The following KCNN3 variants were observed in gnomAD, a reference collection of about 807,000 sequenced individuals.
KCNN3 encodes the protein potassium calcium-activated channel subfamily N member 3.
Under a neutral mutation model 62.9 loss-of-function variants are expected in KCNN3, and 16 were observed. That is an observed-to-expected ratio of 0.25 (90% CI 0.17 to 0.39). KCNN3 has a LOEUF of 0.39. Among genes scored for constraint, KCNN3 ranks in the 10% least tolerant of loss-of-function variants. The pLI is 1.00. For missense variants in KCNN3, 599 were observed against 949.4 expected, an observed-to-expected ratio of 0.63 and a Z score of 4.85; for synonymous variants, 370 against 389.2, an observed-to-expected ratio of 0.95 and a Z score of 0.58.
chr1:154,845,138 T>C (rs1386683373), intron 1 of KCNN3, among the ~76,000 whole-genome samples: 1 of 152,178 alleles, frequency 6.6e-6, no homozygotes, highest in Non-Finnish European at 1.5e-5. Context: ...CTGCCCAAGA[T>C]AGACCTCATG....
At chr1:154,798,303 T>G (rs1649812595) in intron 2 of KCNN3, among the ~76,000 whole-genome samples, 1 of 152,216 alleles carries the variant, frequency 6.6e-6, no homozygotes, top group African/African-American at 2.4e-5. Context: ...TGCCAGGTGC[T>G]CTGACACACA....
At chr1:154,849,822 G>C (rs141246474) in intron 1 of KCNN3, among the ~76,000 whole-genome samples, 12 of 152,302 alleles carry the variant, frequency 7.9e-5, no homozygotes, top group Non-Finnish European at 1.6e-4. Flanking sequence ...TGTGGGCTGG[G>C]TAATTCTTTG....
At chr1:154,803,578 T>C (rs139450466) in intron 2 of KCNN3, among the ~76,000 whole-genome samples, 1 of 152,256 alleles carries the variant, frequency 6.6e-6, no homozygotes, top group African/African-American at 2.4e-5. Context: ...CAGGCAGACA[T>C]GAGTTTGCAT....
At position 154,772,034 on chromosome 1, in the gene KCNN3, C is replaced by A; in HGVS notation, c.1389G>T (p.Leu463=). 4 of 1,614,188 alleles carry A rather than the reference C, an allele frequency of 2.5e-6. No homozygotes were observed. Among genetic ancestry groups the A allele is most frequent in the Non-Finnish European group, 3.4e-6 (4 of 1,180,038 alleles). The change falls in exon 3 of 8, where the codon CTG becomes CTT. Residue 463 remains leucine (L), a synonymous_variant. Transcript: ENST00000271915. The surrounding 1 kb of genome is among the most constrained non-coding windows in gnomAD (Gnocchi z 5.6). ...TLMTICPGTV[L]LVFSISLWII... ...TCCACAGAGAGATGCTGAACACGAGCAGCACAGTGCCAGGGCAGATGGTCA... is the reference window on the plus strand; with the variant it reads ...TCCACAGAGAGATGCTGAACACGAGAAGCACAGTGCCAGGGCAGATGGTCA...
intron 1 of KCNN3, among the ~76,000 whole-genome samples, chr1:154,832,343 T>C (rs1014615813): frequency 3.3e-5 from 5 of 152,010 alleles, no homozygotes; most frequent in Non-Finnish European, 7.4e-5. Flanking sequence ...CATCAGGTTC[T>C]GAAGGTCCTG....
intron 2 of KCNN3, among the ~76,000 whole-genome samples, chr1:154,785,596 T>G (rs1338176510): frequency 6.8e-6 from 1 of 147,192 alleles, no homozygotes; most frequent in Non-Finnish European, 1.5e-5. Flanking sequence ...TTTTTTTTTT[T>G]TTTGAGACAA....
At chr1:154,712,388 C>T (rs1339707586) in intron 7 of KCNN3, among the ~76,000 whole-genome samples, 2 of 152,130 alleles carry the variant, frequency 1.3e-5, no homozygotes, top group African/African-American at 4.8e-5. Flanking sequence ...ACGCCCTCCT[C>T]CAAAGGCACG....
intron 3 of KCNN3, among the ~76,000 whole-genome samples, chr1:154,770,467 G>A (rs1648497309): frequency 6.6e-6 from 1 of 152,212 alleles, no homozygotes; most frequent in African/African-American, 2.4e-5. Context: ...TTTGATCTCT[G>A]CTAGGACACT....
intron 3 of KCNN3, among the ~76,000 whole-genome samples, chr1:154,750,542 T>A (rs990922608): frequency 6.6e-6 from 1 of 151,882 alleles, no homozygotes; most frequent in South Asian, 2.1e-4. Context: ...GCTCTGGGCC[T>A]CCCTCTCTTC....
intron 1 of KCNN3, among the ~76,000 whole-genome samples, chr1:154,848,241 G>A (rs1236093035): frequency 6.6e-6 from 1 of 152,040 alleles, no homozygotes; most frequent in African/African-American, 2.4e-5. Context: ...TGTGGCGAGT[G>A]GGCCACGACA....
chr1:154,756,048 GGAGGAA>G lies in KCNN3; in HGVS notation c.1448+15921_1448+15926del, dbSNP rs1196913761. ...AAGACGATGATGAAAAGGAGGAGGAGGAGGAAGAGGAAGAGGAAGAAGAAGGAGGAG... is the reference window on the plus strand; with the variant it reads ...AAGACGATGATGAAAAGGAGGAGGAGGAGGAAGAGGAAGAAGAAGGAGGAG... On this transcript the variant is annotated intron_variant, in intron 3 of 7. Transcript: ENST00000271915. Among the ~76,000 whole-genome samples, 8 of 131,464 alleles carry G rather than the reference GGAGGAA, an allele frequency of 6.1e-5. 1 individual carries two copies. The highest frequency in any genetic ancestry group is 9.5e-5 in the African/African-American group (3 of 31,690). 86.2% of individuals were successfully genotyped at this position (131,464 alleles called of 152,430 possible).
At chr1:154,834,680 T>A (rs1651513986) in intron 1 of KCNN3, among the ~76,000 whole-genome samples, 1 of 152,134 alleles carries the variant, frequency 6.6e-6, no homozygotes, top group South Asian at 2.1e-4. Context: ...AGTCTACCCA[T>A]CCATCTTCAT....
chr1:154,858,631 G>A (rs1181900759), intron 1 of KCNN3, among the ~76,000 whole-genome samples: 2 of 152,210 alleles, frequency 1.3e-5, no homozygotes, highest in Non-Finnish European at 2.9e-5. Flanking sequence ...CCAGAAGAGG[G>A]ATGGGAGAAA....
intron 3 of KCNN3, among the ~76,000 whole-genome samples, chr1:154,746,465 G>A (rs1181843594): frequency 1.3e-5 from 2 of 152,130 alleles, no homozygotes; most frequent in Non-Finnish European, 2.9e-5. Flanking sequence ...GCAGAACCCC[G>A]TGAACTCACA....
chr1:154,773,427 G>T (rs1648657789), intron 2 of KCNN3, among the ~76,000 whole-genome samples: 1 of 152,242 alleles, frequency 6.6e-6, no homozygotes, highest in Non-Finnish European at 1.5e-5. Context: ...ATGAAAACCT[G>T]AGAAGGGCGT....
intron 2 of KCNN3, among the ~76,000 whole-genome samples, chr1:154,807,583 C>T (rs1159705622): frequency 6.6e-6 from 1 of 152,244 alleles, no homozygotes; most frequent in Non-Finnish European, 1.5e-5. Context: ...TGTAAACTCC[C>T]TGCCTGGGGG....
chr1:154,811,184 G>A (rs934820603), intron 2 of KCNN3, among the ~76,000 whole-genome samples: 1 of 152,152 alleles, frequency 6.6e-6, no homozygotes, highest in Non-Finnish European at 1.5e-5. Context: ...TGACGTTAGG[G>A]CGATGGGACA....
chr1:154,711,291 A>G (rs1202405014), intron 7 of KCNN3, among the ~76,000 whole-genome samples: 10 of 141,766 alleles, frequency 7.1e-5, no homozygotes, highest in African/African-American at 1.3e-4. Context: ...GGAATTGAAC[A>G]ATGAGAACAC....
chr1:154,791,499 G>A (rs1220889958), intron 2 of KCNN3, among the ~76,000 whole-genome samples: 1 of 152,062 alleles, frequency 6.6e-6, no homozygotes, highest in Non-Finnish European at 1.5e-5. Flanking sequence ...TAAGCAACCA[G>A]CCCAAGCCTG....
Sources: gnomAD v4.1 joint callset for allele counts (sites outside exome capture counted in the v4.1 genomes callset) on GRCh38, gnomAD v4.1.1 for gene constraint, Gnocchi (gnomAD v3.1) non-coding constraint, MANE v1.5 for transcripts, NCBI Gene and HGNC (gene_info 2026-07-23, HGNC 2026-07-21) for gene names.